The following PBX1 variants were observed in gnomAD, a reference collection of about 807,000 sequenced individuals.
The protein encoded by PBX1 is pre-B-cell leukemia transcription factor 1.
Under a neutral mutation model 53.4 loss-of-function variants are expected in PBX1, and 6 were observed. That is an observed-to-expected ratio of 0.11 (90% confidence interval 0.06 to 0.22). The LOEUF (loss-of-function observed/expected upper bound fraction) is 0.22. PBX1 is among the 10% of genes least tolerant of loss of function. PBX1 has a pLI of 1.00. For synonymous variants in PBX1, 204 were observed against 212.3 expected (o/e 0.96, Z 0.34); for missense variants, 251 against 551.4 (o/e 0.46, Z 5.46).
At chr1:164,856,919 T>C (rs542665235) in intron 2 of PBX1, among the ~76,000 whole-genome samples, 1 of 152,138 alleles carries the variant, frequency 6.6e-6, no homozygotes, top group Non-Finnish European at 1.5e-5. Context: ...GGTTGCTCAC[T>C]AGATCCTAAA....
chr1:164,751,230 G>A (rs1055505789), intron 2 of PBX1, among the ~76,000 whole-genome samples: 1 of 150,790 alleles, frequency 6.6e-6, no homozygotes, highest in African/African-American at 2.4e-5. Flanking sequence ...TGGGAGAATC[G>A]CTTGAGCCCA....
intron 6 of PBX1, chr1:164,816,676 G>C (rs184534746): frequency 6.6e-6 from 1 of 151,992 alleles, no homozygotes; most frequent in Non-Finnish European, 1.5e-5. Context: ...CCATTGTAGG[G>C]CTAACCAGCC....
chr1:164,800,694 G>T (rs1669025388), intron 4 of PBX1, among the ~76,000 whole-genome samples: 3 of 152,174 alleles, frequency 2.0e-5, no homozygotes, highest in Admixed American at 2.0e-4. Context: ...TACTCTAGAA[G>T]AATATTTTGA....
intron 2 of PBX1, chr1:164,625,834 C>A: frequency 2.1e-4 from 99 of 480,754 alleles, no homozygotes; most frequent in Non-Finnish European, 2.4e-4. Flanking sequence ...AGAAAAAAAA[C>A]ACCTTACATG....
chr1:164,782,315 T>G (rs1175517847), intron 2 of PBX1, among the ~76,000 whole-genome samples: 1 of 152,186 alleles, frequency 6.6e-6, no homozygotes, highest in African/African-American at 2.4e-5. Flanking sequence ...GTGACATCAT[T>G]TCCTCTGTCT....
chr1:164,770,059 A>G (rs1667285573), intron 2 of PBX1: 1 of 152,244 alleles, frequency 6.6e-6, no homozygotes, highest in Non-Finnish European at 1.5e-5. Context: ...TCCAGGATCT[A>G]CTTCTGAAGC....
intron 2 of PBX1, among the ~76,000 whole-genome samples, chr1:164,571,049 T>C (rs145585658): frequency 3.9e-5 from 6 of 152,360 alleles, no homozygotes; most frequent in Admixed American, 1.3e-4. Flanking sequence ...CACTGTTTGA[T>C]AGAAGACAAC....
intron 2 of PBX1, among the ~76,000 whole-genome samples, chr1:164,866,627 T>C (rs1672225407): frequency 6.6e-6 from 1 of 152,208 alleles, no homozygotes; most frequent in African/African-American, 2.4e-5. Context: ...CACTATCCCT[T>C]ATCTGGCTCC....
At chr1:164,604,853 C>A (rs1656444165) in intron 2 of PBX1, among the ~76,000 whole-genome samples, 1 of 151,614 alleles carries the variant, frequency 6.6e-6, no homozygotes, top group Admixed American at 6.6e-5. Flanking sequence ...TGCTTTTAGA[C>A]AAAGTGTATT....
chr1:164,620,501 T>C (rs544855020), intron 2 of PBX1, among the ~76,000 whole-genome samples: 1 of 152,264 alleles, frequency 6.6e-6, no homozygotes, highest in South Asian at 2.1e-4. Context: ...TGCAATCTTT[T>C]TTCTTTTTTG....
chr1:164,586,805 T>C (rs990441674), intron 2 of PBX1, among the ~76,000 whole-genome samples: 1 of 152,086 alleles, frequency 6.6e-6, no homozygotes, highest in African/African-American at 2.4e-5. Flanking sequence ...AATATGGAGC[T>C]GGAGATCTCA....
Position 164,850,613 on chromosome 1 carries a change from A to T in PBX1, c.*3937A>T, listed in dbSNP as rs1219313734. The stretch of plus-strand genomic sequence containing the variant: ...ATGACTTGGGCAGAGGAGTAAGAAC[A>T]AGTAGGCTTGTTCTTCTACTTTGCT... On this transcript the variant is annotated 3_prime_UTR_variant, in exon 9 of 9. Coordinates refer to ENST00000420696, the MANE Select transcript of PBX1 (RefSeq NM_002585.4). 1 of 192,980 alleles carries T rather than the reference A, an allele frequency of 5.2e-6. No homozygotes were observed. Among genetic ancestry groups the T allele is most frequent in the Non-Finnish European group, 1.1e-5 (1 of 92,404 alleles). 12.0% of individuals were successfully genotyped at this position (192,980 alleles called of 1,614,324 possible). A position where few individuals can be genotyped will look rare whatever the true frequency, so the allele number is the denominator to read the frequency against.
intron 2 of PBX1, among the ~76,000 whole-genome samples, chr1:164,610,237 T>G (rs1341637657): frequency 1.3e-5 from 2 of 152,048 alleles, no homozygotes; most frequent in African/African-American, 4.8e-5. Context: ...ACTGGAATTG[T>G]GAGAGAAATG....
At chr1:164,611,643 T>A (rs201432284) in intron 2 of PBX1, among the ~76,000 whole-genome samples, 1 of 146,032 alleles carries the variant, frequency 6.8e-6, no homozygotes, top group African/African-American at 2.5e-5. Flanking sequence ...AAAAAAAAAA[T>A]TGGCTCCTGG....
intron 6 of PBX1, chr1:164,819,713 C>T (rs1670054893): frequency 5.8e-6 from 1 of 173,726 alleles, no homozygotes; most frequent in Non-Finnish European, 1.2e-5. Context: ...CTTGTGGTCC[C>T]CTGGCCAACC....
At chr1:164,881,942 C>A (rs1344073896) in intron 2 of PBX1, among the ~76,000 whole-genome samples, 1 of 152,168 alleles carries the variant, frequency 6.6e-6, no homozygotes, top group African/African-American at 2.4e-5. Context: ...CATCAGGTCC[C>A]ACCCGCTATG....
intron 2 of PBX1, among the ~76,000 whole-genome samples, chr1:164,753,927 G>A (rs1283846548): frequency 6.6e-6 from 1 of 152,202 alleles, no homozygotes; most frequent in African/African-American, 2.4e-5. Context: ...GCCGTGAAAG[G>A]CCTCTGAGAG....
intron 2 of PBX1, among the ~76,000 whole-genome samples, chr1:164,669,589 G>T (rs951748334): frequency 6.6e-6 from 1 of 152,136 alleles, no homozygotes; most frequent in African/African-American, 2.4e-5. Context: ...TCCAGAAGTA[G>T]AATTTTTTAG....
intron 8 of PBX1, chr1:164,829,198 A>G (rs997778818): frequency 6.6e-6 from 1 of 152,216 alleles, no homozygotes; most frequent in African/African-American, 2.4e-5. Context: ...GAAGAAATAT[A>G]CCAGCCAGTA....
Sources: gnomAD v4.1 joint callset for allele counts (sites outside exome capture counted in the v4.1 genomes callset) on GRCh38, gnomAD v4.1.1 for gene constraint, MANE v1.5 for transcripts, NCBI Gene and HGNC (gene_info 2026-07-23, HGNC 2026-07-21) for gene names.